The following SNTG1 variants were observed in gnomAD, a reference collection of about 807,000 sequenced individuals.
SNTG1 encodes gamma-1-syntrophin.
A neutral mutation model predicts 74.7 loss-of-function variants in SNTG1; 39 were observed. The ratio of observed to expected loss-of-function variants is 0.52; its 90% CI spans 0.40 to 0.68. The LOEUF is 0.68. Ranked by LOEUF, SNTG1 falls within the 30% of genes least tolerant of loss-of-function variation. The probability of loss-of-function intolerance (pLI) is 0.00; values close to 1 mark genes in which losing one functional copy is unlikely to be tolerated. For synonymous variants in SNTG1, 254 were observed against 217.1 expected (o/e 1.17, Z -1.49); for missense variants, 685 against 609.5 (o/e 1.12, Z -1.30).
At chr8:50,167,812 CAA>C (rs1312245688) in intron 1 of SNTG1, among the ~76,000 whole-genome samples, 47 of 75,556 alleles carry the variant, frequency 6.2e-4, no homozygotes, top group African/African-American at 1.5e-3. Context: ...GATTCTATCT[CAA>C]AAAAAAAAAA....
chr8:50,635,088 G>A (rs72643648), intron 13 of SNTG1, among the ~76,000 whole-genome samples: 3,707 of 151,948 alleles, frequency 0.024, 65 homozygotes, highest in Non-Finnish European at 0.037. Flanking sequence ...CCATTTTAAC[G>A]TCAGCTCAAA....
At chr8:49,966,829 T>C (rs1811182600) in intron 1 of SNTG1, among the ~76,000 whole-genome samples, 1 of 152,228 alleles carries the variant, frequency 6.6e-6, no homozygotes, top group East Asian at 1.9e-4. Flanking sequence ...TCCTTTACTA[T>C]ATAGGCATAT....
chr8:50,391,626 G>T (rs2092661977), intron 2 of SNTG1, among the ~76,000 whole-genome samples: 1 of 152,120 alleles, frequency 6.6e-6, no homozygotes, highest in African/African-American at 2.4e-5. Flanking sequence ...CTATTGATTG[G>T]AATAGTTTCA....
In SNTG1 at chr8:50,386,153, T is replaced by A. The variant is rs145251120; in HGVS notation, c.-27-8059T>A. ...GTGATTCTGCTAGTTACTGAGCAAG[T>A]CAATTCTAATTACACACTCAGAACC... On this transcript the variant is annotated intron_variant, in intron 2 of 18. Coordinates refer to ENST00000642720, the MANE Select transcript of SNTG1 (RefSeq NM_018967.5). 3.2e-4 allele frequency among the ~76,000 whole-genome samples: 48 copies of A among 152,226 alleles called. No individual in the cohort carries two copies. In the East Asian group the frequency reaches 9.1e-3, roughly 29 times the overall value.
chr8:50,034,900 T>C (rs538151872), intron 1 of SNTG1, among the ~76,000 whole-genome samples: 65 of 152,288 alleles, frequency 4.3e-4, no homozygotes, highest in African/African-American at 1.4e-3. Context: ...TCCTGGATTG[T>C]CATGATGCAG....
Position 50,745,666 on chromosome 8 carries a change from C to T in SNTG1, c.1285-6335C>T, listed in dbSNP as rs192069360. Among the ~76,000 whole-genome samples, 374 of 151,864 alleles carry T rather than the reference C, an allele frequency of 2.5e-3. 4 individuals are homozygous for T. The highest frequency in any genetic ancestry group is 4.8e-3 in the Non-Finnish European group (324 of 67,910). On this transcript the variant is annotated intron_variant, in intron 17 of 18. Coordinates refer to ENST00000642720, the MANE Select transcript of SNTG1 (RefSeq NM_018967.5). ...TGGTGAATGCAACTCAAGTGTCGGTCGATAAATGAATGGATAAACAAAATT... is the reference window on the plus strand; with the variant it reads ...TGGTGAATGCAACTCAAGTGTCGGTTGATAAATGAATGGATAAACAAAATT...
chr8:50,782,525 A>G (rs2095662608), intron 18 of SNTG1, among the ~76,000 whole-genome samples: 1 of 152,106 alleles, frequency 6.6e-6, no homozygotes, highest in African/African-American at 2.4e-5. Context: ...CATTCTTCAC[A>G]TAGTTCTTGA....
intron 1 of SNTG1, among the ~76,000 whole-genome samples, chr8:50,159,815 T>C (rs950504908): frequency 1.3e-5 from 2 of 152,154 alleles, no homozygotes; most frequent in Non-Finnish European, 2.9e-5. Context: ...CCATTGGTCT[T>C]ACAGGTTCCA....
At chr8:50,787,391 C>CTAGT (rs2131856257) in intron 18 of SNTG1, among the ~76,000 whole-genome samples, 1 of 151,876 alleles carries the variant, frequency 6.6e-6, no homozygotes, top group East Asian at 1.9e-4. Flanking sequence ...TCAGATTTTG[C>CTAGT]TAGTGAGAAT....
intron 4 of SNTG1, among the ~76,000 whole-genome samples, chr8:50,418,802 T>C: frequency 6.6e-6 from 1 of 152,164 alleles, no homozygotes; most frequent in East Asian, 1.9e-4. Context: ...ATATGTCATC[T>C]TTCCAGCTGC....
intron 14 of SNTG1, 51 bp from the exon 15 acceptor site, chr8:50,658,541 G>A (rs1219610968): frequency 7.6e-7 from 1 of 1,319,856 alleles, no homozygotes; most frequent in Admixed American, 1.9e-5. Context: ...CAAATACAGT[G>A]GTAAATAACT....
At chr8:50,679,772 A>C (rs552512010) in intron 15 of SNTG1, among the ~76,000 whole-genome samples, 3 of 152,130 alleles carry the variant, frequency 2.0e-5, no homozygotes. Flanking sequence ...CACTAAGAGG[A>C]TGGATTTATT....
chr8:50,627,629 G>A (rs922126238), intron 13 of SNTG1, among the ~76,000 whole-genome samples: 1 of 152,192 alleles, frequency 6.6e-6, no homozygotes, highest in Non-Finnish European at 1.5e-5. Flanking sequence ...ATAAACCAGG[G>A]TTCCCATGAC....
At chr8:50,019,767 A>T (rs1263894833) in intron 1 of SNTG1, among the ~76,000 whole-genome samples, 1 of 152,094 alleles carries the variant, frequency 6.6e-6, no homozygotes, top group African/African-American at 2.4e-5. Context: ...CTGTAGGCAT[A>T]TGAGATTGAA....
chr8:50,253,697 A>G (rs566060633), intron 2 of SNTG1, among the ~76,000 whole-genome samples: 11 of 152,158 alleles, frequency 7.2e-5, no homozygotes, highest in African/African-American at 2.6e-4. Flanking sequence ...ATATATAAAT[A>G]CACATATATG....
chr8:50,247,159 T>C (rs1197827506), intron 2 of SNTG1, among the ~76,000 whole-genome samples: 1 of 152,186 alleles, frequency 6.6e-6, no homozygotes, highest in Admixed American at 6.5e-5. Context: ...AGATGAATAT[T>C]TTCTGCACGA....
chr8:50,231,219 G>T (rs1445632807), intron 2 of SNTG1, among the ~76,000 whole-genome samples: 1 of 151,080 alleles, frequency 6.6e-6, no homozygotes, highest in East Asian at 1.9e-4. Context: ...TGTTATTAAA[G>T]AAAAGACAAA....
intron 1 of SNTG1, among the ~76,000 whole-genome samples, chr8:49,923,570 C>T (rs1040263811): frequency 1.3e-5 from 2 of 151,948 alleles, no homozygotes; most frequent in African/African-American, 4.8e-5. Context: ...ATAAAGGATA[C>T]ATGTTAAGAC....
At chr8:50,184,004 C>T (rs1219697519) in intron 2 of SNTG1, among the ~76,000 whole-genome samples, 1 of 152,140 alleles carries the variant, frequency 6.6e-6, no homozygotes, top group Admixed American at 6.5e-5. Context: ...CCCATCTTAG[C>T]CAAAAATCCT....
Sources: gnomAD v4.1 joint callset for allele counts (sites outside exome capture counted in the v4.1 genomes callset) on GRCh38, gnomAD v4.1.1 for gene constraint, MANE v1.5 for transcripts, NCBI Gene and HGNC (gene_info 2026-07-23, HGNC 2026-07-21) for gene names.